TMEM132C: variants seen among roughly 807,000 people sequenced by gnomAD.
The protein encoded by TMEM132C is transmembrane protein 132C, also known as protein phosphatase 1, regulatory subunit 152.
TMEM132C carries 29 observed loss-of-function variants against 61.4 expected under a neutral mutation model. That is an observed-to-expected ratio of 0.47 (90% CI 0.35 to 0.64). The LOEUF (loss-of-function observed/expected upper bound fraction) is 0.64, where lower values mean the gene tolerates loss of function less well. Ranked by LOEUF, TMEM132C falls within the 30% of genes least tolerant of loss-of-function variation. TMEM132C has a pLI of 0.00. For missense variants in TMEM132C, 1,408 were observed against 1,476.9 expected (o/e 0.95, Z 0.76); for synonymous variants, 656 against 633.1 (o/e 1.04, Z -0.54).
chr12:128,528,101 C>G (rs889372120), intron 2 of TMEM132C, among the ~76,000 whole-genome samples: 4 of 152,178 alleles, frequency 2.6e-5, no homozygotes, highest in African/African-American at 9.7e-5. Flanking sequence ...TGGACATACT[C>G]ACAAACATAG....
intron 7 of TMEM132C, 55 bp downstream of exon 7, chr12:128,696,158 G>A (rs1489379611): frequency 6.6e-7 from 1 of 1,516,580 alleles, no homozygotes; most frequent in Non-Finnish European, 8.9e-7. Context: ...GCAGTGTTGA[G>A]GGAGAGTCAA....
chr12:128,298,392 AT>A (rs11362264), intron 1 of TMEM132C, among the ~76,000 whole-genome samples: 59,340 of 151,762 alleles, frequency 0.39, 12,384 homozygotes, highest in Middle Eastern at 0.5. Context: ...TGTTATGTTG[AT>A]TTTTTTGTCT....
chr12:128,303,424 A>G (rs1028416026), intron 1 of TMEM132C, among the ~76,000 whole-genome samples: 1 of 152,148 alleles, frequency 6.6e-6, no homozygotes, highest in African/African-American at 2.4e-5. Context: ...CTGATTCCAA[A>G]GTTTTCTTTA....
At chr12:128,333,289 T>G (rs550882215) in intron 1 of TMEM132C, among the ~76,000 whole-genome samples, 1 of 151,954 alleles carries the variant, frequency 6.6e-6, no homozygotes, top group East Asian at 1.9e-4. Context: ...GTTTGAGTGT[T>G]GTATGTATGT....
intron 2 of TMEM132C, among the ~76,000 whole-genome samples, chr12:128,453,277 G>A (rs1870236764): frequency 6.6e-6 from 1 of 152,204 alleles, no homozygotes; most frequent in African/African-American, 2.4e-5. Context: ...TGGCAGTCTT[G>A]TCTCTGCTCC....
At chr12:128,490,225 C>T (rs1275525733) in intron 2 of TMEM132C, among the ~76,000 whole-genome samples, 1 of 152,144 alleles carries the variant, frequency 6.6e-6, no homozygotes, top group Non-Finnish European at 1.5e-5. Context: ...AAGAGTTTTG[C>T]TCTGATCCAA....
chr12:128,486,337 G>T (rs1417759549), intron 2 of TMEM132C, among the ~76,000 whole-genome samples: 1 of 152,100 alleles, frequency 6.6e-6, no homozygotes, highest in African/African-American at 2.4e-5. Context: ...GGTGAGTGAG[G>T]CAAGAGCTGG....
intron 2 of TMEM132C, among the ~76,000 whole-genome samples, chr12:128,428,477 C>T (rs759059487): frequency 6.6e-6 from 1 of 152,144 alleles, no homozygotes; most frequent in African/African-American, 2.4e-5. Flanking sequence ...TGAGTTGTCT[C>T]AGCTTGGTAT....
At chr12:128,375,743 G>A (rs1874172688) in intron 1 of TMEM132C, among the ~76,000 whole-genome samples, 1 of 152,148 alleles carries the variant, frequency 6.6e-6, no homozygotes, top group Non-Finnish European at 1.5e-5. Flanking sequence ...TACTCCCTAA[G>A]GCATGAAACC....
intron 1 of TMEM132C, among the ~76,000 whole-genome samples, chr12:128,351,344 A>G (rs1199253885): frequency 6.6e-6 from 1 of 152,142 alleles, no homozygotes; most frequent in Non-Finnish European, 1.5e-5. Flanking sequence ...GAAGGTAATT[A>G]TATTAGTCAG....
intron 3 of TMEM132C, among the ~76,000 whole-genome samples, chr12:128,609,473 G>T (rs1876553449): frequency 6.6e-6 from 1 of 151,818 alleles, no homozygotes; most frequent in South Asian, 2.1e-4. Flanking sequence ...GCCCAGGCTG[G>T]TCTCAAACTC....
intron 3 of TMEM132C, among the ~76,000 whole-genome samples, chr12:128,593,056 TC>T (rs1875811766): frequency 6.9e-6 from 1 of 144,014 alleles, no homozygotes; most frequent in Admixed American, 7.8e-5. Context: ...CTCTCTGTCT[TC>T]TCTTTCTTTC....
At chr12:128,312,401 G>A (rs1593006983) in intron 1 of TMEM132C, among the ~76,000 whole-genome samples, 2 of 152,086 alleles carry the variant, frequency 1.3e-5, no homozygotes, top group African/African-American at 4.8e-5. Context: ...AACTTCCCAG[G>A]CTCAGGTGAT....
At chr12:128,509,298 C>T (rs1051104619) in intron 2 of TMEM132C, among the ~76,000 whole-genome samples, 29 of 151,738 alleles carry the variant, frequency 1.9e-4, no homozygotes, top group African/African-American at 4.6e-4. Context: ...GGGGAAAGAG[C>T]GGGCGGGAGG....
At chr12:128,368,380 C>T (rs893573540) in intron 1 of TMEM132C, among the ~76,000 whole-genome samples, 20 of 152,340 alleles carry the variant, frequency 1.3e-4, no homozygotes, top group Admixed American at 4.6e-4. Flanking sequence ...TCCAGTCTAG[C>T]TCCGAAAAGG....
intron 2 of TMEM132C, among the ~76,000 whole-genome samples, chr12:128,514,373 T>C (rs1872657164): frequency 6.6e-6 from 1 of 152,198 alleles, no homozygotes; most frequent in Non-Finnish European, 1.5e-5. Flanking sequence ...ACAGGTGCTA[T>C]TATTCTCTCC....
intron 2 of TMEM132C, among the ~76,000 whole-genome samples, chr12:128,470,303 A>C (rs993404643): frequency 6.6e-6 from 1 of 152,212 alleles, no homozygotes; most frequent in African/African-American, 2.4e-5. Flanking sequence ...TCTGACAGCA[A>C]AGAGGCATTT....
At chr12:128,655,244 G>A (rs79725718) in intron 4 of TMEM132C, among the ~76,000 whole-genome samples, 9,507 of 152,284 alleles carry the variant, frequency 0.062, 368 homozygotes, top group African/African-American at 0.1. Context: ...GATGAGAGGA[G>A]TTGTTATACC....
Position 128,267,407 on chromosome 12 carries a change from G to T in TMEM132C, c.5G>T (p.Arg2Leu), listed in dbSNP as rs1408668716. M[R>L]SEGAAPGPAA... Reference sequence around the variant, plus strand: ...CGTGAGCGGCCGGGACGCAGGATGCGCTCCGAGGGTGCGGCCCCCGGGCCG... The same window carrying T: ...CGTGAGCGGCCGGGACGCAGGATGCTCTCCGAGGGTGCGGCCCCCGGGCCG... The change falls in exon 1 of 9, where the codon CGC becomes CTC. Residue 2 changes from arginine to leucine, a missense_variant. By Grantham distance (102) the Arg-to-Leu change is moderately radical (BLOSUM62 -2). Coordinates refer to ENST00000435159, the MANE Select transcript of TMEM132C (RefSeq NM_001136103.3). 6 of 1,202,392 alleles carry T rather than the reference G, an allele frequency of 5.0e-6. No homozygotes were observed. The highest frequency in any genetic ancestry group is 7.1e-5 in the East Asian group (2 of 28,328). The allele number at this position is 1,202,392 out of a possible 1,614,324, so 74.5% of individuals were successfully genotyped here.
Sources: allele counts gnomAD v4.1 joint callset (sites outside exome capture counted in the v4.1 genomes callset), GRCh38; gene constraint gnomAD v4.1.1; transcripts MANE v1.5; gene names NCBI Gene and HGNC (gene_info 2026-07-23, HGNC 2026-07-21).